The following CSMD3 variants were observed in gnomAD, a reference collection of about 807,000 sequenced individuals.
The protein encoded by CSMD3 is CUB and Sushi multiple domains 3, also known as CUB and sushi domain-containing protein 3.
Under a neutral mutation model 435.2 loss-of-function variants are expected in CSMD3, and 177 were observed. The ratio of observed to expected loss-of-function variants is 0.41; its 90% CI spans 0.36 to 0.46. CSMD3 has a LOEUF of 0.46. Ranked by LOEUF, CSMD3 falls within the 20% of genes least tolerant of loss-of-function variation. CSMD3 has a pLI of 0.34. For missense variants in CSMD3, 4,265 were observed against 4,504.6 expected, an observed-to-expected ratio of 0.95 and a Z score of 1.52; for synonymous variants, 1,656 against 1,520.5, an observed-to-expected ratio of 1.09 and a Z score of -2.07.
intron 5 of CSMD3, among the ~76,000 whole-genome samples, chr8:113,040,975 G>A (rs115185694): frequency 1.4e-3 from 206 of 151,958 alleles, no homozygotes; most frequent in African/African-American, 4.8e-3. Context: ...AAGCTGAGTT[G>A]GGCAGCTTGC....
chr8:112,522,809 T>C (rs1422309006), intron 27 of CSMD3, among the ~76,000 whole-genome samples: 1 of 151,954 alleles, frequency 6.6e-6, no homozygotes, highest in East Asian at 1.9e-4. Context: ...ATTGCTACTG[T>C]CAATATACTT....
chr8:112,259,307 G>T lies in CSMD3; in HGVS notation c.9863-3880C>A, dbSNP rs150376938. On this transcript the variant is annotated intron_variant, in intron 61 of 70. Coordinates refer to ENST00000297405, the MANE Select transcript of CSMD3 (RefSeq NM_198123.2). ...CCTTTGCAGGGACATGGATGAAGTTGGAAACCACCATTCTCAGCAAACTAA... is the reference window on the plus strand; with the variant it reads ...CCTTTGCAGGGACATGGATGAAGTTTGAAACCACCATTCTCAGCAAACTAA... Among the ~76,000 whole-genome samples, 217 of 152,188 alleles carry T rather than the reference G, an allele frequency of 1.4e-3. 2 individuals carry two copies. The East Asian group carries it at 0.035, about 24-fold the overall frequency.
chr8:113,340,449 A>C (rs1431255954), intron 1 of CSMD3, among the ~76,000 whole-genome samples: 2 of 152,130 alleles, frequency 1.3e-5, no homozygotes, highest in East Asian at 3.8e-4. Context: ...TAATCATTAC[A>C]GTCTTTCCAT....
chr8:113,172,939 G>A (rs966551200), intron 4 of CSMD3, among the ~76,000 whole-genome samples: 7 of 152,070 alleles, frequency 4.6e-5, no homozygotes, highest in African/African-American at 1.7e-4. Context: ...TCTGTATTTT[G>A]AACCTTTGTC....
At chr8:112,620,677 C>T (rs547679301) in intron 22 of CSMD3, among the ~76,000 whole-genome samples, 1 of 152,238 alleles carries the variant, frequency 6.6e-6, no homozygotes, top group South Asian at 2.1e-4. Flanking sequence ...AAAAGAGATA[C>T]GTGATGTCTT....
chr8:112,821,805 C>G (rs962284038), intron 12 of CSMD3, among the ~76,000 whole-genome samples: 1 of 152,094 alleles, frequency 6.6e-6, no homozygotes, highest in Non-Finnish European at 1.5e-5. Flanking sequence ...AGTCTTTAAT[C>G]CATCTTGAGT....
chr8:113,115,687 C>T (rs1315596514), intron 4 of CSMD3, among the ~76,000 whole-genome samples: 4 of 152,128 alleles, frequency 2.6e-5, no homozygotes, highest in Admixed American at 6.6e-5. Flanking sequence ...TGTATTATCT[C>T]TAGTGAAACT....
At chr8:113,284,423 T>G (rs2093632153) in intron 2 of CSMD3, among the ~76,000 whole-genome samples, 1 of 152,142 alleles carries the variant, frequency 6.6e-6, no homozygotes, top group South Asian at 2.1e-4. Flanking sequence ...GAATATAAAT[T>G]TATTGTTATT....
chr8:112,982,328 C>G (rs930489196), intron 6 of CSMD3, among the ~76,000 whole-genome samples: 1 of 151,836 alleles, frequency 6.6e-6, no homozygotes, highest in African/African-American at 2.4e-5. Context: ...ATGTTGAAGA[C>G]CTAGGTTTTA....
intron 30 of CSMD3, among the ~76,000 whole-genome samples, chr8:112,493,462 C>T (rs1209439535): frequency 6.6e-6 from 1 of 152,044 alleles, no homozygotes; most frequent in Non-Finnish European, 1.5e-5. Context: ...ATAAAAGGCC[C>T]TATTTGTCTG....
At chr8:112,242,545 A>G (rs954936507) in intron 65 of CSMD3, among the ~76,000 whole-genome samples, 1 of 152,076 alleles carries the variant, frequency 6.6e-6, no homozygotes, top group Non-Finnish European at 1.5e-5. Context: ...TAGCAGTGAC[A>G]ATAAACCAAA....
At chr8:113,152,137 T>C (rs1042859541) in intron 4 of CSMD3, among the ~76,000 whole-genome samples, 14 of 151,956 alleles carry the variant, frequency 9.2e-5, no homozygotes, top group Non-Finnish European at 2.9e-5. Context: ...TCAGACACTC[T>C]GATCCAGTCC....
chr8:112,978,806 T>C (rs561742963), intron 6 of CSMD3, among the ~76,000 whole-genome samples: 1 of 152,098 alleles, frequency 6.6e-6, no homozygotes, highest in African/African-American at 2.4e-5. Context: ...AAAATTTTTG[T>C]ATATTGATTT....
chr8:112,952,607 AATTAT>A (rs2083862777), intron 8 of CSMD3, among the ~76,000 whole-genome samples: 1 of 151,508 alleles, frequency 6.6e-6, no homozygotes, highest in Non-Finnish European at 1.5e-5. Context: ...TTTAGAAACA[AATTAT>A]AGTAAAATGA....
At chr8:112,946,739 C>T (rs1424587298) in intron 9 of CSMD3, among the ~76,000 whole-genome samples, 1 of 151,490 alleles carries the variant, frequency 6.6e-6, no homozygotes, top group Non-Finnish European at 1.5e-5. Flanking sequence ...TAGTGTGTTC[C>T]TTCAAATATT....
At chr8:113,063,305 A>G (rs1189970318) in intron 5 of CSMD3, among the ~76,000 whole-genome samples, 2 of 151,786 alleles carry the variant, frequency 1.3e-5, no homozygotes, top group Non-Finnish European at 3.0e-5. Flanking sequence ...AGTACTTTCT[A>G]TTTAACTAAT....
At chr8:112,891,211 A>G (rs1014055358) in intron 10 of CSMD3, among the ~76,000 whole-genome samples, 5 of 151,512 alleles carry the variant, frequency 3.3e-5, no homozygotes, top group Non-Finnish European at 7.4e-5. Context: ...ATCACCTGGA[A>G]GCCTGATAGA....
At chr8:113,080,445 G>C (rs1265391675) in intron 5 of CSMD3, among the ~76,000 whole-genome samples, 1 of 152,012 alleles carries the variant, frequency 6.6e-6, no homozygotes, top group African/African-American at 2.4e-5. Flanking sequence ...ACTATGCTAG[G>C]CACAGAAAAT....
chr8:112,882,488 C>T (rs551089134), intron 10 of CSMD3, among the ~76,000 whole-genome samples: 23 of 151,980 alleles, frequency 1.5e-4, no homozygotes, highest in Non-Finnish European at 3.2e-4. Context: ...AATGTGTCCC[C>T]TTATTTCACT....
Sources: gnomAD v4.1 joint callset for allele counts (sites outside exome capture counted in the v4.1 genomes callset) on GRCh38, gnomAD v4.1.1 for gene constraint, MANE v1.5 for transcripts, NCBI Gene and HGNC (gene_info 2026-07-23, HGNC 2026-07-21) for gene names.